The following SLC15A1 variants were observed in gnomAD, a reference collection of about 807,000 sequenced individuals.
The protein encoded by SLC15A1 is Caco-2 oligopeptide transporter.
Under a neutral mutation model 92.9 loss-of-function variants are expected in SLC15A1, and 83 were observed. The observed-to-expected ratio is 0.89, with a 90% CI of 0.75 to 1.07. The LOEUF (loss-of-function observed/expected upper bound fraction) is 1.07, where lower values mean the gene tolerates loss of function less well. Ranked by LOEUF, SLC15A1 falls within the 50% of genes least tolerant of loss-of-function variation. The probability of loss-of-function intolerance (pLI) is 0.00; values close to 1 mark genes in which losing one functional copy is unlikely to be tolerated. For synonymous variants in SLC15A1, 322 were observed against 318.2 expected (o/e 1.01, Z -0.13); for missense variants, 857 against 880.1 (o/e 0.97, Z 0.33).
At chr13:98,698,012 A>G (rs1352849400) in intron 18 of SLC15A1, among the ~76,000 whole-genome samples, 1 of 152,186 alleles carries the variant, frequency 6.6e-6, no homozygotes, top group African/African-American at 2.4e-5. Flanking sequence ...GAGACTGGGT[A>G]AAGGCTTATG....
chr13:98,694,938 G>C, intron 18 of SLC15A1, among the ~76,000 whole-genome samples: 1 of 142,222 alleles, frequency 7.0e-6, no homozygotes, highest in African/African-American at 2.6e-5. Flanking sequence ...TGAGGCAGGG[G>C]AACCGCTTGA....
At position 98,721,901 on chromosome 13, in the gene SLC15A1, A is replaced by G. The variant is rs2088263115; in HGVS notation, c.368T>C (p.Val123Ala). 1 of 1,612,342 alleles carries G rather than the reference A, an allele frequency of 6.2e-7. No individual in the cohort carries two copies. ...CAGGGCCAGGCCGATCAAGGACAGC[A>G]CCCTGGGAAAGACAGGGTGTTAGGG... ...GTPDSLPVHV[V>A]LSLIGLALIA... is the part of the protein sequence containing the mutation. Residue 123 changes from valine to alanine, a missense_variant and splice_region_variant, in exon 6 of 23, where the codon GTG (valine) becomes GCG (alanine). Transcript: ENST00000376503.
At chr13:98,715,229 C>T (rs760710598) in intron 9 of SLC15A1, among the ~76,000 whole-genome samples, 30 of 152,308 alleles carry the variant, frequency 2.0e-4, no homozygotes, top group Middle Eastern at 3.4e-3. Context: ...GGCTGGAGTG[C>T]AATGGCACAA....
At chr13:98,745,924 A>G (rs2088489505) in intron 1 of SLC15A1, among the ~76,000 whole-genome samples, 1 of 151,812 alleles carries the variant, frequency 6.6e-6, no homozygotes, top group African/African-American at 2.4e-5. Flanking sequence ...GGTTTGTTAT[A>G]TAGGTAACTC....
At position 98,702,543 on chromosome 13, in the gene SLC15A1, C is replaced by T. The variant is rs757128810; in HGVS notation, c.1417-14G>A. On this transcript the variant is annotated splice_polypyrimidine_tract_variant and intron_variant, in intron 17 of 22. Coordinates refer to ENST00000376503, the MANE Select transcript of SLC15A1 (RefSeq NM_005073.4). ...ACCATCCTTTACCTGAGAGAGAAAA[C>T]AGTAATGTAAAAATATTTTCAAAAT... is the stretch of plus-strand genomic sequence containing the variant. The T allele has an allele frequency of 1.3e-6, 2 of 1,586,048 alleles. No individual in the cohort carries two copies. Among genetic ancestry groups the T allele is most frequent in the Non-Finnish European group, 8.6e-7 (1 of 1,156,344 alleles).
At chr13:98,742,252 C>T (rs1300111664) in intron 1 of SLC15A1, among the ~76,000 whole-genome samples, 1 of 152,238 alleles carries the variant, frequency 6.6e-6, no homozygotes, top group African/African-American at 2.4e-5. Context: ...CGCAGCCTGG[C>T]CCCGGCTCCT....
rs2088303553 is a variant in SLC15A1 at position 98,726,582 on chromosome 13, C to G, written c.22-133G>C. The G allele has an allele frequency of 3.5e-6, 3 of 847,966 alleles. 1 individual carries two copies. Among genetic ancestry groups the G allele is most frequent in the Middle Eastern group, 4.3e-4 (2 of 4,638 alleles). 52.5% of individuals were successfully genotyped at this position (847,966 alleles called of 1,614,324 possible). A position where few individuals can be genotyped will look rare whatever the true frequency, so the allele number is the denominator to read the frequency against. Reference sequence around the variant, plus strand: ...ACCGGTGACTGTCTAGAGCAGGAAACTAGCATTTAATCATTTTATTCCCTA... The same window carrying G: ...ACCGGTGACTGTCTAGAGCAGGAAAGTAGCATTTAATCATTTTATTCCCTA... On this transcript the variant is annotated intron_variant, in intron 2 of 22. Coordinates refer to ENST00000376503, the MANE Select transcript of SLC15A1 (RefSeq NM_005073.4).
intron 18 of SLC15A1, among the ~76,000 whole-genome samples, chr13:98,697,615 CT>C (rs11347963): frequency 0.2 from 24,913 of 124,958 alleles, 3,065 homozygotes; most frequent in African/African-American, 0.38. Flanking sequence ...CTGGCTGATG[CT>C]TTTTTTTTTT....
At chr13:98,749,001 A>C (rs2088519106) in intron 1 of SLC15A1, among the ~76,000 whole-genome samples, 1 of 152,252 alleles carries the variant, frequency 6.6e-6, no homozygotes, top group East Asian at 1.9e-4. Context: ...GAGCAATATT[A>C]GCCCAAAAGA....
At position 98,684,892 on chromosome 13, in the gene SLC15A1, G is replaced by T. The variant is rs148443716; in HGVS notation, c.1959C>A (p.Ala653=). The T allele has an allele frequency of 6.2e-7, 1 of 1,613,426 alleles. No homozygotes were observed. Among genetic ancestry groups the T allele is most frequent in the South Asian group, 1.1e-5 (1 of 90,956 alleles). The change falls in exon 23 of 23, where the codon GCC becomes GCA. Residue 653 remains alanine (A), a synonymous_variant. Transcript: ENST00000376503. ...TTACACAGACGACCAGAAGCAACGC[G>T]GCAAATAGAATGTACTCGGCCCACT... ...SKQWAEYILF[A]ALLLVVCVIF...
chr13:98,734,501 G>A (rs752225789), intron 1 of SLC15A1, among the ~76,000 whole-genome samples: 24 of 152,126 alleles, frequency 1.6e-4, no homozygotes, highest in Non-Finnish European at 3.2e-4. Context: ...GTAAGCACAA[G>A]GGGTCGGGTC....
At chr13:98,725,036 G>C (rs2088287764) in intron 4 of SLC15A1, among the ~76,000 whole-genome samples, 2 of 152,138 alleles carry the variant, frequency 1.3e-5, no homozygotes, top group South Asian at 4.1e-4. Flanking sequence ...ATGGTCATGA[G>C]TGAGTTCCTG....
At chr13:98,693,964 G>T (rs2088002487) in intron 18 of SLC15A1, among the ~76,000 whole-genome samples, 1 of 152,116 alleles carries the variant, frequency 6.6e-6, no homozygotes, top group Non-Finnish European at 1.5e-5. Flanking sequence ...ATGATAGAAG[G>T]CCACATATCT....
intron 1 of SLC15A1, among the ~76,000 whole-genome samples, chr13:98,752,384 T>C (rs1440311052): frequency 6.6e-6 from 1 of 152,040 alleles, no homozygotes; most frequent in Non-Finnish European, 1.5e-5. Context: ...TCGGCGCCTC[T>C]GGGCACCTCT....
chr13:98,721,457 A>C, intron 7 of SLC15A1, 38 bp downstream of exon 7: 1 of 1,476,848 alleles, frequency 6.8e-7, no homozygotes, highest in Non-Finnish European at 9.5e-7. Context: ...GCCTTACTAA[A>C]AAAAGACCAA....
At chr13:98,743,106 T>C (rs947998018) in intron 1 of SLC15A1, among the ~76,000 whole-genome samples, 3 of 152,206 alleles carry the variant, frequency 2.0e-5, no homozygotes, top group Non-Finnish European at 2.9e-5. Flanking sequence ...ACACTGCTCA[T>C]ATTGAATTAG....
intron 1 of SLC15A1, among the ~76,000 whole-genome samples, chr13:98,748,529 A>C (rs1031251709): frequency 2.6e-5 from 4 of 152,190 alleles, no homozygotes; most frequent in Non-Finnish European, 5.9e-5. Context: ...TCCTGAGCTC[A>C]AATGATCCGC....
rs1368970516 is a variant in SLC15A1, at chr13:98,687,637, G to A, written c.1771C>T (p.Leu591Phe). 6.2e-7 allele frequency: 1 copy of A among 1,614,188 alleles called. No homozygotes were observed. Among genetic ancestry groups the A allele is most frequent in the East Asian group, 2.2e-5 (1 of 44,884 alleles). ...GAGAAGACCACTTCGCCACAGGTGAGAAGAAAATACTGCGGGATTTGCAGA... is the reference window on the plus strand; with the variant it reads ...GAGAAGACCACTTCGCCACAGGTGAAAAGAAAATACTGCGGGATTTGCAGA... ...MALQIPQYFLLTCGEVVFSVT... is the reference protein window; with the variant it reads ...MALQIPQYFLFTCGEVVFSVT... The change falls in exon 21 of 23, where the codon CTC becomes TTC. Residue 591 changes from leucine (L) to phenylalanine (F), a missense_variant. Physicochemically the swap from Leu to Phe is conservative, Grantham distance 22 (BLOSUM62 0). Coordinates refer to ENST00000376503, the MANE Select transcript of SLC15A1 (RefSeq NM_005073.4).
In SLC15A1 at chr13:98,701,850, T is replaced by A. The variant is rs118129280; in HGVS notation, c.1466+630A>T. Among the ~76,000 whole-genome samples, 121 of 152,048 alleles carry A rather than the reference T, an allele frequency of 8.0e-4. 1 individual carries two copies. The East Asian group carries it at 0.017, about 21-fold the overall frequency. ...CACATCTGGCTATTTTTTTTAAAAA[T>A]TTTTATTAGATACAGGGTTTCACCA... On this transcript the variant is annotated intron_variant, in intron 18 of 22. Coordinates refer to ENST00000376503, the MANE Select transcript of SLC15A1 (RefSeq NM_005073.4).
Sources: gnomAD v4.1 joint callset for allele counts (sites outside exome capture counted in the v4.1 genomes callset) on GRCh38, gnomAD v4.1.1 for gene constraint, MANE v1.5 for transcripts, NCBI Gene and HGNC (gene_info 2026-07-23, HGNC 2026-07-21) for gene names.